The following RP1 variants were observed in gnomAD, a reference collection of about 807,000 sequenced individuals.
RP1 encodes RP1 axonemal microtubule associated, also known as oxygen-regulated protein 1.
In RP1, 16 loss-of-function variants were observed where a neutral mutation model predicts 14.8. That is an observed-to-expected ratio of 1.08 (90% confidence interval 0.73 to 1.65). The LOEUF is 1.65. RP1 is among the 40% of genes most tolerant of loss of function. RP1 has a pLI of 0.00. For synonymous variants in RP1, 876 were observed against 883.6 expected (o/e 0.99, Z 0.15); for missense variants, 2,631 against 2,535.0 (o/e 1.04, Z -0.81).
chr8:54,572,087 C>T (rs1804536334), intron 1 of RP1, among the ~76,000 whole-genome samples: 1 of 152,218 alleles, frequency 6.6e-6, no homozygotes, highest in African/African-American at 2.4e-5. Context: ...AAAGATGATC[C>T]TACTCACCCA....
chr8:54,844,499 C>T (rs1811866068), intron 25 of RP1, among the ~76,000 whole-genome samples: 1 of 151,668 alleles, frequency 6.6e-6, no homozygotes, highest in African/African-American at 2.4e-5. Flanking sequence ...TGTAGACATG[C>T]TTGTCTCTGT....
chr8:54,777,234 T>C (rs899695406), intron 23 of RP1, among the ~76,000 whole-genome samples: 3 of 152,248 alleles, frequency 2.0e-5, no homozygotes, highest in African/African-American at 7.2e-5. Flanking sequence ...TAATGGAACC[T>C]ATCCCTGTCT....
chr8:54,867,364 T>C (rs971375672), intron 28 of RP1, among the ~76,000 whole-genome samples: 1 of 152,186 alleles, frequency 6.6e-6, no homozygotes, highest in African/African-American at 2.4e-5. Flanking sequence ...TGCCATTTTA[T>C]GAAATTCAAG....
At chr8:54,783,114 A>T (rs1218328890) in intron 23 of RP1, among the ~76,000 whole-genome samples, 1 of 152,126 alleles carries the variant, frequency 6.6e-6, no homozygotes, top group Non-Finnish European at 1.5e-5. Context: ...ATCTGCTAGG[A>T]TCACCAAACT....
chr8:54,759,248 A>T (rs1209098239), intron 22 of RP1, among the ~76,000 whole-genome samples: 1 of 151,672 alleles, frequency 6.6e-6, no homozygotes, highest in African/African-American at 2.4e-5. Context: ...TGCTTAAATA[A>T]TCTTTTGCTA....
intron 1 of RP1, among the ~76,000 whole-genome samples, chr8:54,605,254 A>G (rs376506867): frequency 3.9e-5 from 6 of 152,078 alleles, no homozygotes; most frequent in South Asian, 2.1e-4. Context: ...GTTCTCATTG[A>G]TTTCAAAGAA....
At chr8:54,577,850 C>T (rs983167959) in intron 1 of RP1, among the ~76,000 whole-genome samples, 14 of 152,248 alleles carry the variant, frequency 9.2e-5, no homozygotes, top group Non-Finnish European at 1.3e-4. Flanking sequence ...GCTTTTCACA[C>T]GGTGCCTTGA....
intron 15 of RP1, among the ~76,000 whole-genome samples, chr8:54,711,613 C>T (rs1808295010): frequency 6.6e-6 from 1 of 152,204 alleles, no homozygotes; most frequent in Admixed American, 6.5e-5. Flanking sequence ...ACCCTAAGCT[C>T]ACACAGCAAC....
intron 1 of RP1, among the ~76,000 whole-genome samples, chr8:54,590,342 C>T (rs975241501): frequency 6.6e-6 from 1 of 152,158 alleles, no homozygotes; most frequent in Non-Finnish European, 1.5e-5. Flanking sequence ...CTTAGTCTTT[C>T]CTCAACCCTC....
chr8:54,592,624 G>A (rs1445852500), intron 1 of RP1, among the ~76,000 whole-genome samples: 1 of 152,142 alleles, frequency 6.6e-6, no homozygotes, highest in Non-Finnish European at 1.5e-5. Context: ...TTGCAATGAA[G>A]AGCTCTATTT....
chr8:54,800,688 A>G (rs1435217844), intron 24 of RP1, among the ~76,000 whole-genome samples: 2 of 151,822 alleles, frequency 1.3e-5, no homozygotes, highest in African/African-American at 4.8e-5. Context: ...GATTTCTAGA[A>G]TTTTCTTTGG....
chr8:54,843,522 T>C (rs1305760979), intron 25 of RP1, among the ~76,000 whole-genome samples: 1 of 152,170 alleles, frequency 6.6e-6, no homozygotes, highest in Non-Finnish European at 1.5e-5. Flanking sequence ...TGCACATGTT[T>C]AACGCTGAAT....
chr8:54,714,126 A>G (rs958534165), intron 15 of RP1, among the ~76,000 whole-genome samples: 1 of 152,136 alleles, frequency 6.6e-6, no homozygotes, highest in Non-Finnish European at 1.5e-5. Context: ...GGGTTTCACC[A>G]TGTTGTCCAG....
At chr8:54,785,431 T>G (rs1810294907) in intron 24 of RP1, among the ~76,000 whole-genome samples, 1 of 149,666 alleles carries the variant, frequency 6.7e-6, no homozygotes. Context: ...GATACAGATT[T>G]GAGTTGTTTT....
Position 54,629,290 on chromosome 8 carries a change from C to T in RP1, c.5408C>T (p.Ser1803Leu), listed in dbSNP as rs748258003. The T allele has an allele frequency of 1.2e-6, 2 of 1,613,658 alleles. No homozygotes were observed. Among genetic ancestry groups the T allele is most frequent in the Non-Finnish European group, 1.7e-6 (2 of 1,179,746 alleles). The stretch of plus-strand genomic sequence containing the variant: ...CCAACGATGGATGAACTCTCCTCTT[C>T]AGAACTCGAGGAACTGACTCAACCC... Reference protein sequence around the residue: ...PGPTMDELSSSELEELTQPLE... With the variant: ...PGPTMDELSSLELEELTQPLE... The change falls in exon 4 of 4, where the codon TCA becomes TTA. Residue 1803 changes from serine to leucine, a missense_variant. Ser to Leu is a moderately radical substitution (Grantham distance 145). Coordinates refer to ENST00000220676, the MANE Select transcript of RP1 (RefSeq NM_006269.2).
chr8:54,665,013 G>A (rs1040779180), intron 7 of RP1, among the ~76,000 whole-genome samples: 3 of 151,910 alleles, frequency 2.0e-5, no homozygotes, highest in African/African-American at 7.3e-5. Flanking sequence ...GAAAAAATTG[G>A]GTTATTTCTT....
chr8:54,786,348 A>T (rs535745981), intron 24 of RP1, among the ~76,000 whole-genome samples: 2 of 152,184 alleles, frequency 1.3e-5, no homozygotes, highest in African/African-American at 4.8e-5. Flanking sequence ...CTTATTAAAG[A>T]TCCTGTACAT....
At chr8:54,843,355 T>C (rs1349932430) in intron 25 of RP1, among the ~76,000 whole-genome samples, 1 of 152,176 alleles carries the variant, frequency 6.6e-6, no homozygotes, top group Non-Finnish European at 1.5e-5. Context: ...AGGCTGGGAT[T>C]ACAGGTGTGA....
chr8:54,823,172 G>C (rs879885097), intron 24 of RP1, among the ~76,000 whole-genome samples: 2 of 152,026 alleles, frequency 1.3e-5, no homozygotes, highest in Admixed American at 1.3e-4. Flanking sequence ...GCCCTCCCCG[G>C]TGGGTGCTGT....
Sources: gnomAD v4.1 joint callset for allele counts (sites outside exome capture counted in the v4.1 genomes callset) on GRCh38, gnomAD v4.1.1 for gene constraint, MANE v1.5 for transcripts, NCBI Gene and HGNC (gene_info 2026-07-23, HGNC 2026-07-21) for gene names.